The following SLC19A1 variants were observed in gnomAD, a reference collection of about 807,000 sequenced individuals.
SLC19A1 encodes the protein solute carrier family 19 member 1.
SLC19A1 carries 37 observed loss-of-function variants against 35.3 expected under a neutral mutation model. The observed-to-expected ratio is 1.05, with a 90% confidence interval of 0.81 to 1.38. The LOEUF (loss-of-function observed/expected upper bound fraction) is 1.38. SLC19A1 is among the 40% of genes most tolerant of loss of function. SLC19A1 has a pLI of 0.00. For missense variants in SLC19A1, 831 were observed against 826.9 expected (o/e 1.00, Z -0.06); for synonymous variants, 460 against 398.5 (o/e 1.15, Z -1.84).
exon 1 of SLC19A1, among the ~76,000 whole-genome samples, chr21:45,562,850 C>T (rs1602970683): frequency 6.6e-6 from 1 of 152,196 alleles, no homozygotes; most frequent in South Asian, 2.1e-4. Flanking sequence ...ATGGAAGATC[C>T]TCCTCCAGTG....
chr21:45,560,159 G>A lies in SLC19A1; in HGVS notation c.-50+2583C>T, dbSNP rs538977733. On this transcript the variant is annotated intron_variant, in intron 1 of 5. Transcript: ENST00000650808. Reference sequence around the variant, plus strand: ...AAACCGTGCAGCCTTCCTGGGGAGCGGCCTGGCCCTGAGAGGTGGGGACGC... The same window carrying A: ...AAACCGTGCAGCCTTCCTGGGGAGCAGCCTGGCCCTGAGAGGTGGGGACGC... Among the ~76,000 whole-genome samples the A allele has an allele frequency of 8.5e-5, 13 of 152,298 alleles. No individual in the cohort carries two copies. The East Asian group carries it at 2.3e-3, about 27-fold the overall frequency.
chr21:45,535,387 A>G (rs1377355359), intron 2 of SLC19A1, among the ~76,000 whole-genome samples: 1 of 152,242 alleles, frequency 6.6e-6, no homozygotes, highest in East Asian at 1.9e-4. Context: ...AACCAGTCCA[A>G]TCCCAAGGGC....
At chr21:45,545,363 G>T (rs1297801300), upstream of SLC19A1, among the ~76,000 whole-genome samples, 11 of 151,950 alleles carry the variant, frequency 7.2e-5, no homozygotes, top group Non-Finnish European at 8.8e-5. Context: ...TTGTTTAAAA[G>T]AGTCCGGGAC....
At chr21:45,547,104 A>G (rs1278003888), upstream of SLC19A1, among the ~76,000 whole-genome samples, 1 of 152,240 alleles carries the variant, frequency 6.6e-6, no homozygotes, top group East Asian at 1.9e-4. Context: ...TAATTGGAAG[A>G]CAGAATTTGA....
chr21:45,559,051 T>A (rs1011187002), intron 1 of SLC19A1, among the ~76,000 whole-genome samples: 2 of 151,982 alleles, frequency 1.3e-5, no homozygotes, highest in Non-Finnish European at 2.9e-5. Flanking sequence ...TCGTGATCCA[T>A]CCACCTCAGC....
At chr21:45,538,468 G>A (rs1016436177) in intron 1 of SLC19A1, among the ~76,000 whole-genome samples, 5 of 152,200 alleles carry the variant, frequency 3.3e-5, no homozygotes, top group African/African-American at 4.8e-5. Flanking sequence ...GCACCCAGGT[G>A]GCCCAGGGAG....
intron 3 of SLC19A1, chr21:45,503,839 A>T (rs1401594874): frequency 2.2e-6 from 1 of 461,968 alleles, no homozygotes; most frequent in Non-Finnish European, 3.8e-6. Flanking sequence ...CACCATTAAC[A>T]AAAACATCAG....
chr21:45,537,736 A>G, intron 2 of SLC19A1, 35 bp downstream of exon 2: 1 of 74,308 alleles, frequency 1.3e-5, no homozygotes, highest in Non-Finnish European at 2.6e-5. Context: ...CCACCCACCC[A>G]CAGGCGGCCG....
intron 1 of SLC19A1, among the ~76,000 whole-genome samples, chr21:45,560,214 CA>C (rs1433770803): frequency 6.6e-6 from 1 of 152,330 alleles, no homozygotes. Flanking sequence ...CTCCAGGATC[CA>C]CCCCCCAAGG....
chr21:45,531,382 TGCGTACCCA>T lies in SLC19A1; in HGVS notation c.947_949+6del. 6.4e-7 allele frequency: 1 copy of T among 1,566,364 alleles called. No individual in the cohort carries two copies. Among genetic ancestry groups the T allele is most frequent in the Non-Finnish European group, 8.7e-7 (1 of 1,154,532 alleles). On this transcript the variant is annotated splice_donor_variant and splice_donor_5th_base_variant and coding_sequence_variant and intron_variant, in exon 3 of 6. Transcript: ENST00000311124. LOFTEE classifies it high-confidence loss of function. The stretch of plus-strand genomic sequence containing the variant: ...GGAAGAAGCCTCGGGGACCAGGGCA[TGCGTACCCA>T]GCAGCGTGGAGGCAGCATCTGCCGC...
chr21:45,505,461 TGC>T, intron 3 of SLC19A1: 1 of 1,179,086 alleles, frequency 8.5e-7, no homozygotes, highest in Non-Finnish European at 1.2e-6. Flanking sequence ...GCTGGGCACC[TGC>T]GTCCCGTGCC....
In SLC19A1 at chr21:45,504,506, C is replaced by A. The variant is rs759572850; in HGVS notation, c.498-5894G>T. ...TTTCTTCGGCTCCAGCCTGCCCGGC[C>A]CCCCCGGCCCCCCAGGCCCCCCAGG... On this transcript the variant is annotated intron_variant, in intron 3 of 4. Coordinates refer to the SLC19A1 transcript ENST00000417954. The A allele has an allele frequency of 2.4e-5, 34 of 1,396,392 alleles. No homozygotes were observed. In the Admixed American group the frequency reaches 2.5e-4, roughly 10 times the overall value. The allele number at this position is 1,396,392 out of a possible 1,614,324, so 86.5% of individuals were successfully genotyped here.
Position 45,534,948 on chromosome 21 carries a change from A to G in SLC19A1, c.190-2800T>C, listed in dbSNP as rs1351010303. Among the ~76,000 whole-genome samples the G allele has an allele frequency of 6.6e-6, 1 of 152,282 alleles. No individual in the cohort carries two copies. The highest frequency in any genetic ancestry group is 1.5e-5 in the Non-Finnish European group (1 of 68,046). Reference sequence around the variant, plus strand: ...GGTCCAGGCTGAATGGGCAGAGTGCAGGCAGCTGCGCCCAAATCTACGTCC... The same window carrying G: ...GGTCCAGGCTGAATGGGCAGAGTGCGGGCAGCTGCGCCCAAATCTACGTCC... On this transcript the variant is annotated intron_variant, in intron 2 of 5. Transcript: ENST00000311124. The surrounding 1 kb of genome is among the most constrained non-coding windows in gnomAD (Gnocchi z 4.2).
upstream of SLC19A1, among the ~76,000 whole-genome samples, chr21:45,544,865 A>G (rs1316033625): frequency 6.6e-6 from 1 of 152,088 alleles, no homozygotes; most frequent in African/African-American, 2.4e-5. Context: ...GGCCCAAGAA[A>G]TCTCTGCCAG....
rs867298911 is a variant in SLC19A1 at position 45,556,405 on chromosome 21, C to G, written c.-50+6337G>C. On this transcript the variant is annotated intron_variant, in intron 1 of 5. Transcript: ENST00000650808. ...CCGCTCGTCAGCAGCTCGGCCTCCC[C>G]CGCTGCTCCCCACCAGCGCCCGGGC... is the stretch of plus-strand genomic sequence containing the variant. Among the ~76,000 whole-genome samples, 9 of 152,372 alleles carry G rather than the reference C, an allele frequency of 5.9e-5. No individual in the cohort carries two copies. The South Asian group carries it at 1.0e-3, about 18-fold the overall frequency.
In SLC19A1 at chr21:45,531,984, G is replaced by C; in HGVS notation, c.354C>G (p.His118Gln). ...TGTAGAAGAGCTCCATGAGCTGCAT[G>C]TGCGCCACCGAGTGGCCCAGCAGCA... is the stretch of plus-strand genomic sequence containing the variant. Reference protein sequence around the residue: ...LLLLLGHSVAHMQLMELFYSV... With the variant: ...LLLLLGHSVAQMQLMELFYSV... Residue 118 changes from histidine to glutamine, a missense_variant, in exon 3 of 6, where the codon CAC (histidine) becomes CAG (glutamine). By Grantham distance (24) the His-to-Gln change is conservative. Coordinates refer to ENST00000311124, the MANE Select transcript of SLC19A1 (RefSeq NM_194255.4). The C allele has an allele frequency of 6.2e-7, 1 of 1,610,056 alleles. No individual in the cohort carries two copies. Among genetic ancestry groups the C allele is most frequent in the South Asian group, 1.1e-5 (1 of 91,010 alleles).
intron 5 of SLC19A1, among the ~76,000 whole-genome samples, chr21:45,522,961 C>G (rs949810896): frequency 8.5e-5 from 13 of 152,072 alleles, no homozygotes; most frequent in Non-Finnish European, 1.6e-4. Context: ...TAAGACGTGA[C>G]CACTGTGAAA....
chr21:45,545,203 C>G (rs1019522442), upstream of SLC19A1, among the ~76,000 whole-genome samples: 31 of 152,164 alleles, frequency 2.0e-4, no homozygotes, highest in African/African-American at 7.2e-4. Context: ...CTGTCCCCTC[C>G]AAATCTCATG....
chr21:45,523,475 G>T (rs1003969026), intron 5 of SLC19A1, among the ~76,000 whole-genome samples: 1 of 152,204 alleles, frequency 6.6e-6, no homozygotes, highest in Non-Finnish European at 1.5e-5. Context: ...GGAAGGGAAA[G>T]GGCTTCCTCG....
Sources: gnomAD v4.1 joint callset for allele counts (sites outside exome capture counted in the v4.1 genomes callset) on GRCh38, gnomAD v4.1.1 for gene constraint, Gnocchi (gnomAD v3.1) non-coding constraint, MANE v1.5 for transcripts, NCBI Gene and HGNC (gene_info 2026-07-23, HGNC 2026-07-21) for gene names.